Variants in ALMS1 observed in about 807,000 individuals in gnomAD.
ALMS1 encodes the protein ALMS1 centrosome and basal body associated protein, also known as centrosome-associated protein ALMS1.
Under a neutral mutation model 352.2 loss-of-function variants are expected in ALMS1, and 271 were observed. The observed-to-expected ratio is 0.77, with a 90% CI of 0.70 to 0.85. The LOEUF is 0.85. ALMS1 is among the 40% of genes least tolerant of loss of function. The pLI is 0.00. For synonymous variants in ALMS1, 1,865 were observed against 1,761.2 expected (o/e 1.06, Z -1.48); for missense variants, 5,445 against 4,870.7 (o/e 1.12, Z -3.51).
chr2:73,582,519 A>G (rs1300717053), intron 16 of ALMS1, among the ~76,000 whole-genome samples: 1 of 152,198 alleles, frequency 6.6e-6, no homozygotes, highest in Non-Finnish European at 1.5e-5. Context: ...CCATTGAACA[A>G]CAACTGCCCT....
rs766772731 is a variant in ALMS1, at chr2:73,557,285, C to T, written c.10144C>T (p.His3382Tyr). The T allele has an allele frequency of 6.2e-7, 1 of 1,614,144 alleles. No homozygotes were observed. The highest frequency in any genetic ancestry group is 2.2e-5 in the East Asian group (1 of 44,876). ...NLSDKKQQEI[H>Y]STRAVTEAAQ... ...CTCAGACAAAAAACAGCAAGAGATT[C>T]ACAGTACAAGGGCAGTGACTGAGGC... Residue 3382 changes from histidine to tyrosine, a missense_variant, in exon 14 of 23, where the codon CAC (histidine) becomes TAC (tyrosine). Physicochemically the swap from His to Tyr is moderately conservative, Grantham distance 83 (BLOSUM62 2). Coordinates refer to ENST00000613296, the MANE Select transcript of ALMS1 (RefSeq NM_001378454.1).
intron 16 of ALMS1, among the ~76,000 whole-genome samples, chr2:73,590,334 A>G (rs1675402010): frequency 6.6e-6 from 1 of 152,190 alleles, no homozygotes; most frequent in Non-Finnish European, 1.5e-5. Context: ...TTGTCAAAAC[A>G]CAGCATCCAC....
chr2:73,531,775 C>G (rs559252035), intron 11 of ALMS1, among the ~76,000 whole-genome samples: 3 of 152,190 alleles, frequency 2.0e-5, no homozygotes, highest in Non-Finnish European at 4.4e-5. Flanking sequence ...AGGAAACTTA[C>G]AATCATGGCG....
At chr2:73,498,155 C>T (rs923364797) in intron 10 of ALMS1, among the ~76,000 whole-genome samples, 2 of 151,786 alleles carry the variant, frequency 1.3e-5, no homozygotes, top group African/African-American at 2.4e-5. Flanking sequence ...ATTATTTGAA[C>T]CTTCAGTGAG....
At chr2:73,520,108 A>C (rs911765629) in intron 11 of ALMS1, 92 bp downstream of exon 11, 1 of 1,532,394 alleles carries the variant, frequency 6.5e-7, no homozygotes, top group African/African-American at 1.4e-5. Context: ...TAGTCAGAAA[A>C]CCTAATTTTA....
At chr2:73,522,494 G>T (rs1300007001) in intron 11 of ALMS1, among the ~76,000 whole-genome samples, 5 of 117,922 alleles carry the variant, frequency 4.2e-5, no homozygotes, top group African/African-American at 9.5e-5. Context: ...TTTTTGAGAT[G>T]GAGTCTCACT....
rs776345925 is a variant in ALMS1 at position 73,450,906 on chromosome 2, G to T, written c.4379G>T (p.Gly1460Val). 6 of 1,613,574 alleles carry T rather than the reference G, an allele frequency of 3.7e-6. No homozygotes were observed. Among genetic ancestry groups the T allele is most frequent in the Non-Finnish European group, 5.1e-6 (6 of 1,179,862 alleles). ...GCTTTGGAAGTTTCAGTTGCTCCTG[G>T]ACCAGTTGACCAGACGATTGGCACA... ...EEALEVSVAP[G>V]PVDQTIGTPT... The change falls in exon 8 of 23, where the codon GGA (glycine) becomes GTA (valine). Residue 1460 changes from glycine (G) to valine (V), a missense_variant. By Grantham distance (109) the Gly-to-Val change is moderately radical (BLOSUM62 -3). Coordinates refer to ENST00000613296, the MANE Select transcript of ALMS1 (RefSeq NM_001378454.1).
At chr2:73,526,910 T>C (rs1673803440) in intron 11 of ALMS1, among the ~76,000 whole-genome samples, 1 of 152,218 alleles carries the variant, frequency 6.6e-6, no homozygotes, top group African/African-American at 2.4e-5. Context: ...TGTGGGTCTG[T>C]CATATATGGC....
At chr2:73,409,742 G>T (rs1347713170) in intron 2 of ALMS1, among the ~76,000 whole-genome samples, 2 of 152,108 alleles carry the variant, frequency 1.3e-5, no homozygotes, top group African/African-American at 4.8e-5. Flanking sequence ...ACATCTGTGT[G>T]TATGTGTATA....
chr2:73,518,872 G>A (rs1370557077), intron 10 of ALMS1, among the ~76,000 whole-genome samples: 1 of 152,128 alleles, frequency 6.6e-6, no homozygotes, highest in Non-Finnish European at 1.5e-5. Flanking sequence ...TCTATAGGTT[G>A]TCTGTTTGCT....
intron 1 of ALMS1, among the ~76,000 whole-genome samples, chr2:73,394,979 CAT>C (rs1384421285): frequency 5.1e-5 from 6 of 117,524 alleles, no homozygotes; most frequent in Admixed American, 8.4e-5. Context: ...TGGTATTTTA[CAT>C]ATATATGTGT....
rs184059487 is a variant in ALMS1 at position 73,527,379 on chromosome 2, G to A, written c.9781+7363G>A. ...CTTCTTTAACTATTTGGTACAATTC[G>A]GCAGTTAAGCCATTGAGTCCTCAGC... is the stretch of plus-strand genomic sequence containing the variant. On this transcript the variant is annotated intron_variant, in intron 11 of 22. Transcript: ENST00000613296. 3.3e-5 allele frequency among the ~76,000 whole-genome samples: 5 copies of A among 151,894 alleles called. No homozygotes were observed. In the East Asian group the frequency reaches 7.7e-4, roughly 23 times the overall value.
chr2:73,442,118 A>G (rs1671731160), intron 7 of ALMS1, among the ~76,000 whole-genome samples: 3 of 152,238 alleles, frequency 2.0e-5, no homozygotes, highest in African/African-American at 4.8e-5. Flanking sequence ...TATTATTATT[A>G]TAATGTATAT....
At chr2:73,530,639 A>T (rs1196147864) in intron 11 of ALMS1, among the ~76,000 whole-genome samples, 1 of 152,192 alleles carries the variant, frequency 6.6e-6, no homozygotes, top group African/African-American at 2.4e-5. Flanking sequence ...CCAAGTAGGG[A>T]CTATTAGTGG....
chr2:73,608,689 G>C (rs1159520809), intron 22 of ALMS1, 115 bp downstream of exon 22: 1 of 836,100 alleles, frequency 1.2e-6, no homozygotes, highest in Admixed American at 2.0e-5. Flanking sequence ...TTTGAGGAAT[G>C]AACTTAGAAT....
At chr2:73,461,415 C>T (rs1330967747) in intron 9 of ALMS1, among the ~76,000 whole-genome samples, 1 of 152,158 alleles carries the variant, frequency 6.6e-6, no homozygotes, top group Non-Finnish European at 1.5e-5. Context: ...AGAAGGAAAA[C>T]TAACAAACAG....
chr2:73,450,519 C>G lies in ALMS1; in HGVS notation c.3992C>G (p.Ser1331Cys). Residue 1331 changes from serine to cysteine, a missense_variant, in exon 8 of 23, where the codon TCT becomes TGT. Ser to Cys is a moderately radical substitution (Grantham distance 112). Transcript: ENST00000613296. ...AAGACTGTGATACCAATTTTACCCT[C>G]TACTTTCTACTCACACACAGAGAAG... ...DQKTVIPILP[S>C]TFYSHTEKPG... 6.2e-7 allele frequency: 1 copy of G among 1,613,028 alleles called. No homozygotes were observed. Among genetic ancestry groups the G allele is most frequent in the East Asian group, 2.2e-5 (1 of 44,842 alleles).
chr2:73,495,595 A>C (rs1417374834), intron 10 of ALMS1, among the ~76,000 whole-genome samples: 3 of 152,194 alleles, frequency 2.0e-5, no homozygotes, highest in Non-Finnish European at 4.4e-5. Flanking sequence ...GCAAGATGTA[A>C]GGACCTGGCA....
chr2:73,485,609 G>T (rs531828485), intron 9 of ALMS1, among the ~76,000 whole-genome samples: 1 of 152,332 alleles, frequency 6.6e-6, no homozygotes, highest in East Asian at 1.9e-4. Flanking sequence ...CACCCAGTTC[G>T]AGCTTCCAGG....
Sources: allele counts gnomAD v4.1 joint callset (sites outside exome capture counted in the v4.1 genomes callset), GRCh38; gene constraint gnomAD v4.1.1; transcripts MANE v1.5; gene names NCBI Gene and HGNC (gene_info 2026-07-23, HGNC 2026-07-21).